The following PLA2R1 variants were observed in gnomAD, a reference collection of about 807,000 sequenced individuals.
The protein encoded by PLA2R1 is secretory phospholipase A2 receptor.
Under a neutral mutation model 195.9 loss-of-function variants are expected in PLA2R1, and 158 were observed. The ratio of observed to expected loss-of-function variants is 0.81; its 90% confidence interval spans 0.71 to 0.92. The LOEUF (loss-of-function observed/expected upper bound fraction) is 0.92. PLA2R1 is among the 40% of genes least tolerant of loss of function. The pLI is 0.00. For synonymous variants in PLA2R1, 586 were observed against 598.2 expected (o/e 0.98, Z 0.30); for missense variants, 1,626 against 1,764.6 (o/e 0.92, Z 1.41).
intron 12 of PLA2R1, 53 bp downstream of exon 12, chr2:159,987,103 A>G (rs1271567950): frequency 7.2e-7 from 1 of 1,389,718 alleles, no homozygotes; most frequent in East Asian, 2.3e-5. Context: ...TACATGGATC[A>G]AATTAAAATA....
chr2:159,983,016 C>G (rs756398236), intron 13 of PLA2R1, among the ~76,000 whole-genome samples: 1 of 152,042 alleles, frequency 6.6e-6, no homozygotes, highest in Non-Finnish European at 1.5e-5. Flanking sequence ...GGCTGACTGA[C>G]AAGAACATTC....
intron 11 of PLA2R1, among the ~76,000 whole-genome samples, chr2:159,988,311 T>TA (rs1374775602): frequency 6.6e-6 from 1 of 151,316 alleles, no homozygotes; most frequent in Non-Finnish European, 1.5e-5. Context: ...TCAACAACAA[T>TA]AAAAAATTGT....
intron 1 of PLA2R1, among the ~76,000 whole-genome samples, chr2:160,052,828 A>G (rs527886018): frequency 6.6e-5 from 10 of 152,346 alleles, no homozygotes; most frequent in Non-Finnish European, 1.3e-4. Context: ...TGAAAACAAA[A>G]GTGCTTACAA....
chr2:159,970,124 A>C, intron 18 of PLA2R1, 24 bp downstream of exon 18: 1 of 1,504,236 alleles, frequency 6.6e-7, no homozygotes. Context: ...ACAAAATTAA[A>C]TGCAAATGAA....
chr2:160,002,964 C>A (rs536468277), intron 11 of PLA2R1, among the ~76,000 whole-genome samples: 1 of 152,142 alleles, frequency 6.6e-6, no homozygotes, highest in South Asian at 2.1e-4. Context: ...TATTACTGCT[C>A]TCTTTTCAGC....
downstream of PLA2R1, among the ~76,000 whole-genome samples, chr2:159,928,401 T>C (rs1244177508): frequency 3.3e-5 from 5 of 152,140 alleles, no homozygotes; most frequent in South Asian, 4.1e-4. Flanking sequence ...ACAATGTCAG[T>C]TTATTAATTT....
intron 1 of PLA2R1, among the ~76,000 whole-genome samples, chr2:160,046,156 A>G (rs1327132752): frequency 1.3e-5 from 2 of 152,220 alleles, no homozygotes; most frequent in Non-Finnish European, 2.9e-5. Context: ...TGGTCTAAGT[A>G]TGGAGTGTGC....
chr2:160,038,165 G>A (rs1313921344), intron 3 of PLA2R1, among the ~76,000 whole-genome samples: 1 of 152,218 alleles, frequency 6.6e-6, no homozygotes, highest in Non-Finnish European at 1.5e-5. Context: ...GAGGATGAGA[G>A]AGAGAGGTGT....
At chr2:159,976,339 G>T in intron 16 of PLA2R1, 114 bp from the exon 17 acceptor site, 1 of 664,708 alleles carries the variant, frequency 1.5e-6, no homozygotes, top group Non-Finnish European at 2.5e-6. Flanking sequence ...CACACACACA[G>T]GAATTTGAAC....
In PLA2R1 at chr2:159,941,329, C is replaced by T. The variant is rs1418807846; in HGVS notation, c.*449G>A. 2.6e-5 allele frequency: 4 copies of T among 152,592 alleles called. No individual in the cohort carries two copies. Among genetic ancestry groups the T allele is most frequent in the African/African-American group, 9.7e-5 (4 of 41,434 alleles). The allele number at this position is 152,592 out of a possible 1,614,324, so 9.5% of individuals were successfully genotyped here. A position where few individuals can be genotyped will look rare whatever the true frequency, so the allele number is the denominator to read the frequency against. On this transcript the variant is annotated 3_prime_UTR_variant, in exon 30 of 30. Coordinates refer to ENST00000283243, the MANE Select transcript of PLA2R1 (RefSeq NM_007366.5). ...CTAAGAATCCTCTCAGAAGCCCTTT[C>T]CTTTTCCTCTCATATACAAGATTAA...
chr2:159,989,360 T>G (rs999832092), intron 11 of PLA2R1, among the ~76,000 whole-genome samples: 1 of 152,212 alleles, frequency 6.6e-6, no homozygotes, highest in Non-Finnish European at 1.5e-5. Flanking sequence ...GAAATCCATG[T>G]GGAAGCCCCA....
intron 1 of PLA2R1, among the ~76,000 whole-genome samples, chr2:160,047,697 T>C: frequency 6.6e-6 from 1 of 152,250 alleles, no homozygotes; most frequent in East Asian, 1.9e-4. Context: ...AAGTCTACAC[T>C]GTAGGTTTTT....
intron 11 of PLA2R1, among the ~76,000 whole-genome samples, chr2:159,993,328 T>C (rs78396172): frequency 0.039 from 6,000 of 152,146 alleles, 419 homozygotes; most frequent in African/African-American, 0.14. Flanking sequence ...CAGGATTTTC[T>C]GGTGTTTTGA....
intron 18 of PLA2R1, 101 bp from the exon 19 acceptor site, chr2:159,969,460 T>C (rs954298778): frequency 1.6e-6 from 1 of 611,548 alleles, no homozygotes; most frequent in African/African-American, 1.9e-5. Context: ...GATATAATAT[T>C]CTATTAAATT....
intron 14 of PLA2R1, among the ~76,000 whole-genome samples, chr2:159,978,043 A>C (rs941236000): frequency 6.6e-6 from 1 of 152,214 alleles, no homozygotes; most frequent in African/African-American, 2.4e-5. Flanking sequence ...TCTAACTGGG[A>C]AAATTTTCTA....
chr2:160,062,249 C>T lies in PLA2R1; in HGVS notation c.109+46G>A, dbSNP rs1309804727. ...TTCCTCTCCTTCGACCACCCCGACC[C>T]CCCTCCCCAACGTACCGATCCAGTC... On this transcript the variant is annotated intron_variant, in intron 1 of 29. Transcript: ENST00000283243. 3.9e-6 allele frequency: 5 copies of T among 1,271,872 alleles called. No homozygotes were observed. The South Asian group carries it at 8.6e-5, about 22-fold the overall frequency. The allele number at this position is 1,271,872 out of a possible 1,614,324, so 78.8% of individuals were successfully genotyped here.
chr2:160,029,298 G>A (rs904922325), intron 4 of PLA2R1, among the ~76,000 whole-genome samples: 1 of 152,192 alleles, frequency 6.6e-6, no homozygotes, highest in African/African-American at 2.4e-5. Context: ...TTAATAGGGT[G>A]GAGGAAGAGG....
chr2:160,059,573 G>A lies in PLA2R1; in HGVS notation c.109+2722C>T, dbSNP rs532532904. Among the ~76,000 whole-genome samples the A allele has an allele frequency of 4.6e-5, 7 of 152,260 alleles. No homozygotes were observed. The South Asian group carries it at 6.2e-4, about 14-fold the overall frequency. On this transcript the variant is annotated intron_variant, in intron 1 of 29. Transcript: ENST00000283243. Reference sequence around the variant, plus strand: ...CATAGTCAGGATTTGAACTCAGATCGTCTAGCTCTGAAGCCCGAGAACTTA... The same window carrying A: ...CATAGTCAGGATTTGAACTCAGATCATCTAGCTCTGAAGCCCGAGAACTTA...
In PLA2R1 at chr2:159,944,989, C is replaced by A. The variant is rs144130300; in HGVS notation, c.4061G>T (p.Cys1354Phe). 2 of 1,613,674 alleles carry A rather than the reference C, an allele frequency of 1.2e-6. No individual in the cohort carries two copies. Among genetic ancestry groups the A allele is most frequent in the Non-Finnish European group, 1.7e-6 (2 of 1,179,746 alleles). Reference sequence around the variant, plus strand: ...TCCTTCAGGGATCCTCAAGGCAACACAATGATGGGGCTTGAAGTAGTCTGT... The same window carrying A: ...TCCTTCAGGGATCCTCAAGGCAACAAAATGATGGGGCTTGAAGTAGTCTGT... ...PDTDYFKPHH[C>F]VALRIPEGLW... The change falls in exon 28 of 30, where the codon TGT becomes TTT. Residue 1354 changes from cysteine to phenylalanine, a missense_variant. Physicochemically the swap from Cys to Phe is radical, Grantham distance 205. Coordinates refer to ENST00000283243, the MANE Select transcript of PLA2R1 (RefSeq NM_007366.5).
Sources: allele counts gnomAD v4.1 joint callset (sites outside exome capture counted in the v4.1 genomes callset), GRCh38; gene constraint gnomAD v4.1.1; transcripts MANE v1.5; gene names NCBI Gene and HGNC (gene_info 2026-07-23, HGNC 2026-07-21).